Variants in DMXL2 observed in about 807,000 individuals in gnomAD.
DMXL2 encodes the protein dmX-like protein 2.
A neutral mutation model predicts 331.1 loss-of-function variants in DMXL2; 103 were observed. The observed-to-expected ratio is 0.31, with a 90% CI of 0.27 to 0.37. DMXL2 has a LOEUF of 0.37. Ranked by LOEUF, DMXL2 falls within the 10% of genes least tolerant of loss-of-function variation. DMXL2 has a pLI of 1.00. For synonymous variants in DMXL2, 1,281 were observed against 1,252.1 expected, an observed-to-expected ratio of 1.02 and a Z score of -0.49; for missense variants, 3,171 against 3,642.9, an observed-to-expected ratio of 0.87 and a Z score of 3.33.
intron 36 of DMXL2, 82 bp from the exon 37 acceptor site, chr15:51,457,548 C>T (rs982283194): frequency 9.0e-5 from 132 of 1,471,992 alleles, no homozygotes; most frequent in Non-Finnish European, 1.1e-4. Flanking sequence ...CTTATGTACC[C>T]ATAGGACAAT....
intron 41 of DMXL2, chr15:51,453,162 A>T: frequency 5.6e-6 from 1 of 178,614 alleles, no homozygotes; most frequent in Non-Finnish European, 1.2e-5. Context: ...TGGGTGCACC[A>T]AAATCTCAGC....
chr15:51,499,753 C>T lies in DMXL2; in HGVS notation c.3471G>A (p.Lys1157=). The change falls in exon 18 of 44, where the codon AAG becomes AAA. Residue 1157 remains lysine (K), a synonymous_variant. Transcript: ENST00000560891. The part of the protein sequence containing the change: ...VYSKSDALLS[K]DRYLIPNIKH... The stretch of plus-strand genomic sequence containing the variant: ...TGATATTCGGAATAAGATATCTATC[C>T]TTGCTCAAGAGTGCATCTGACTTGC... 1 of 1,614,108 alleles carries T rather than the reference C, an allele frequency of 6.2e-7. No homozygotes were observed. The highest frequency in any genetic ancestry group is 8.5e-7 in the Non-Finnish European group (1 of 1,180,018).
chr15:51,579,443 T>C (rs797013151), intron 1 of DMXL2, among the ~76,000 whole-genome samples: 8 of 152,234 alleles, frequency 5.3e-5, no homozygotes, highest in African/African-American at 1.9e-4. Context: ...GCCCATGAGA[T>C]TTTAATGGTT....
chr15:51,467,973 A>G (rs766736219), intron 29 of DMXL2, among the ~76,000 whole-genome samples: 6 of 152,114 alleles, frequency 3.9e-5, no homozygotes, highest in South Asian at 2.1e-4. Flanking sequence ...TGATCTGCCC[A>G]CCTTGGCCTC....
intron 1 of DMXL2, among the ~76,000 whole-genome samples, chr15:51,615,041 T>C (rs908022652): frequency 6.6e-6 from 1 of 152,168 alleles, no homozygotes; most frequent in South Asian, 2.1e-4. Flanking sequence ...GTATAACCAT[T>C]AGAATTTGCT....
intron 14 of DMXL2, among the ~76,000 whole-genome samples, chr15:51,515,209 C>T (rs1048028791): frequency 2.6e-5 from 4 of 152,030 alleles, no homozygotes; most frequent in Non-Finnish European, 5.9e-5. Context: ...AAGACTATCA[C>T]GAATGGCTAC....
At chr15:51,507,992 T>C (rs997112332) in intron 15 of DMXL2, among the ~76,000 whole-genome samples, 4 of 152,190 alleles carry the variant, frequency 2.6e-5, no homozygotes, top group African/African-American at 9.7e-5. Context: ...AAAGCTTTCC[T>C]TAATCATTAA....
At chr15:51,459,472 G>A (rs2039938453) in intron 34 of DMXL2, 126 bp downstream of exon 34, 1 of 670,166 alleles carries the variant, frequency 1.5e-6, no homozygotes, top group South Asian at 1.6e-5. Context: ...CACTGAAGTG[G>A]TATGGGAGTA....
rs199710096 is a variant in DMXL2 at position 51,448,782 on chromosome 15, A to AT, written c.*201dup. The AT allele has an allele frequency of 3.6e-4, 213 of 599,954 alleles. No homozygotes were observed. In the East Asian group the frequency reaches 5.2e-3, roughly 15 times the overall value. The allele number at this position is 599,954 out of a possible 1,614,324, so 37.2% of individuals were successfully genotyped here. A position where few individuals can be genotyped will look rare whatever the true frequency, so the allele number is the denominator to read the frequency against. On this transcript the variant is annotated 3_prime_UTR_variant, in exon 44 of 44. Transcript: ENST00000560891. ...TATCCTTCATACAATACTAGGTTTT[A>AT]TTTTTTTTAGTATGTCAGCATAATA... is the stretch of plus-strand genomic sequence containing the variant.
intron 6 of DMXL2, among the ~76,000 whole-genome samples, chr15:51,556,076 G>A (rs1171120865): frequency 6.6e-6 from 1 of 152,044 alleles, no homozygotes; most frequent in Non-Finnish European, 1.5e-5. Flanking sequence ...GGGCGCGGTG[G>A]CTCACGCCTG....
intron 1 of DMXL2, among the ~76,000 whole-genome samples, chr15:51,619,193 G>T (rs570094581): frequency 2.0e-5 from 3 of 152,098 alleles, no homozygotes; most frequent in Non-Finnish European, 4.4e-5. Context: ...AGTAAGAAAT[G>T]TCTTAAAGGC....
In DMXL2 at chr15:51,481,347, T is replaced by A; in HGVS notation, c.5759A>T (p.Lys1920Ile). 3 of 1,614,116 alleles carry A rather than the reference T, an allele frequency of 1.9e-6. No individual in the cohort carries two copies. The highest frequency in any genetic ancestry group is 2.5e-6 in the Non-Finnish European group (3 of 1,180,000). Reference protein sequence around the residue: ...KVTKTSALSAKKDQPDFISHR... With the variant: ...KVTKTSALSAIKDQPDFISHR... ...AGAAATGAAGTCAGGCTGATCTTTTTTTGCAGATAAGGCAGATGTTTTGGT... is the reference window on the plus strand; with the variant it reads ...AGAAATGAAGTCAGGCTGATCTTTTATTGCAGATAAGGCAGATGTTTTGGT... The change falls in exon 24 of 44, where the codon AAA becomes ATA. Residue 1920 changes from lysine to isoleucine, a missense_variant. Transcript: ENST00000560891.
chr15:51,590,897 T>C (rs888385303), intron 1 of DMXL2, among the ~76,000 whole-genome samples: 3 of 152,164 alleles, frequency 2.0e-5, no homozygotes, highest in Non-Finnish European at 4.4e-5. Flanking sequence ...TTTGTTTGTA[T>C]TTTTTTAATT....
At chr15:51,492,851 T>C (rs1474219947) in intron 19 of DMXL2, among the ~76,000 whole-genome samples, 1 of 152,242 alleles carries the variant, frequency 6.6e-6, no homozygotes, top group Admixed American at 6.5e-5. Context: ...ATTAAGTATC[T>C]ATATTGTTAC....
At chr15:51,581,980 G>C (rs1458812930) in intron 1 of DMXL2, among the ~76,000 whole-genome samples, 2 of 152,136 alleles carry the variant, frequency 1.3e-5, no homozygotes, top group African/African-American at 4.8e-5. Flanking sequence ...ACTATATCAA[G>C]AGTGTTACTA....
At chr15:51,519,928 C>T (rs776916700) in intron 13 of DMXL2, among the ~76,000 whole-genome samples, 13 of 152,100 alleles carry the variant, frequency 8.5e-5, no homozygotes, top group South Asian at 2.1e-4. Flanking sequence ...CAGGGTTCAC[C>T]GCACCCAGCC....
intron 18 of DMXL2, among the ~76,000 whole-genome samples, chr15:51,495,480 T>C (rs945562273): frequency 4.6e-5 from 7 of 152,200 alleles, no homozygotes; most frequent in African/African-American, 1.7e-4. Flanking sequence ...TAATATTTTC[T>C]ACATGAATTC....
At position 51,448,580 on chromosome 15, in the gene DMXL2, CAG is replaced by C. The variant is rs1259996665; in HGVS notation, c.*402_*403del. 1.3e-5 allele frequency: 3 copies of C among 238,990 alleles called. No individual in the cohort carries two copies. The highest frequency in any genetic ancestry group is 2.5e-5 in the Non-Finnish European group (3 of 120,206). 14.8% of individuals were successfully genotyped at this position (238,990 alleles called of 1,614,324 possible). A position where few individuals can be genotyped will look rare whatever the true frequency, so the allele number is the denominator to read the frequency against. ...CACCTTATGATTATCCTTCATTCAA[CAG>C]AGGAGGAGACTGCAGGCATGCTTCA... On this transcript the variant is annotated 3_prime_UTR_variant, in exon 44 of 44. Transcript: ENST00000560891.
chr15:51,499,528 A>T lies in DMXL2; in HGVS notation c.3696T>A (p.Leu1232=), dbSNP rs561679020. The T allele has an allele frequency of 5.6e-6, 9 of 1,614,150 alleles. No individual in the cohort carries two copies. In the South Asian group the frequency reaches 9.9e-5, roughly 18 times the overall value. ...IKQGVKSRWV[L]LRSIDLVSSV... is the part of the protein sequence containing the mutation. Reference sequence around the variant, plus strand: ...AAGATACCAAGTCTATAGATCTAAGAAGAACCCATCTTGACTTAACTCCTT... The same window carrying T: ...AAGATACCAAGTCTATAGATCTAAGTAGAACCCATCTTGACTTAACTCCTT... Residue 1232 remains leucine, a synonymous_variant, in exon 18 of 44, where the codon CTT becomes CTA. Coordinates refer to ENST00000560891, the MANE Select transcript of DMXL2 (RefSeq NM_001378457.1).
Sources: allele counts gnomAD v4.1 joint callset (sites outside exome capture counted in the v4.1 genomes callset), GRCh38; gene constraint gnomAD v4.1.1; transcripts MANE v1.5; gene names NCBI Gene and HGNC (gene_info 2026-07-23, HGNC 2026-07-21).